PRKCA: variants seen among roughly 807,000 people sequenced by gnomAD.
PRKCA encodes the protein protein kinase C alpha type.
A neutral mutation model predicts 87.0 loss-of-function variants in PRKCA; 27 were observed. The ratio of observed to expected loss-of-function variants is 0.31; its 90% confidence interval spans 0.23 to 0.43. PRKCA has a LOEUF of 0.43. Among genes scored for constraint, PRKCA ranks in the 20% least tolerant of loss-of-function variants. The pLI, the probability that PRKCA is intolerant of heterozygous loss-of-function variation, is 1.00. For missense variants in PRKCA, 518 were observed against 852.3 expected (o/e 0.61, Z 4.88); for synonymous variants, 329 against 311.1 (o/e 1.06, Z -0.61).
intron 13 of PRKCA, among the ~76,000 whole-genome samples, chr17:66,759,081 G>A (rs563893314): frequency 6.6e-5 from 10 of 152,254 alleles, no homozygotes; most frequent in South Asian, 2.1e-4. Context: ...TGGGCTGGGC[G>A]TGGTGGCTCA....
chr17:66,658,199 G>A (rs1971790329), intron 5 of PRKCA, among the ~76,000 whole-genome samples: 1 of 152,124 alleles, frequency 6.6e-6, no homozygotes, highest in Non-Finnish European at 1.5e-5. Context: ...TCAGATCTCA[G>A]CCGGGCACAG....
intron 2 of PRKCA, among the ~76,000 whole-genome samples, chr17:66,382,691 C>T (rs527284281): frequency 4.6e-5 from 7 of 152,268 alleles, no homozygotes; most frequent in Admixed American, 4.6e-4. Flanking sequence ...TAGTGGTTCT[C>T]AATCAGGGAT....
intron 2 of PRKCA, among the ~76,000 whole-genome samples, chr17:66,362,332 T>C (rs952762316): frequency 6.6e-6 from 1 of 152,112 alleles, no homozygotes; most frequent in African/African-American, 2.4e-5. Context: ...GCCACCACCA[T>C]GCCCAGCTGG....
At chr17:66,382,019 A>G (rs949996641) in intron 2 of PRKCA, among the ~76,000 whole-genome samples, 2 of 152,210 alleles carry the variant, frequency 1.3e-5, no homozygotes, top group East Asian at 1.9e-4. Context: ...AGAGATGGTG[A>G]TGTCTTCCTC....
intron 3 of PRKCA, among the ~76,000 whole-genome samples, chr17:66,607,495 A>G (rs1970244015): frequency 6.6e-6 from 1 of 152,240 alleles, no homozygotes. Context: ...TAATTTTTAA[A>G]GTTATTGTTT....
At chr17:66,350,845 C>T (rs528128705) in intron 2 of PRKCA, among the ~76,000 whole-genome samples, 1 of 152,254 alleles carries the variant, frequency 6.6e-6, no homozygotes, top group Admixed American at 6.5e-5. Context: ...TTTTGACGGT[C>T]CCTAGCCTTC....
intron 2 of PRKCA, among the ~76,000 whole-genome samples, chr17:66,373,672 G>A (rs1909239479): frequency 6.6e-6 from 1 of 152,092 alleles, no homozygotes. Flanking sequence ...TTTTGGTATT[G>A]CTTTTGCCAT....
At chr17:66,574,507 C>T (rs1435475939) in intron 3 of PRKCA, among the ~76,000 whole-genome samples, 4 of 152,138 alleles carry the variant, frequency 2.6e-5, no homozygotes, top group South Asian at 2.1e-4. Context: ...CAGTTGTCAC[C>T]CCTTCTCTGC....
chr17:66,683,251 T>C (rs77487350), intron 5 of PRKCA, among the ~76,000 whole-genome samples: 7,447 of 152,316 alleles, frequency 0.049, 594 homozygotes, highest in African/African-American at 0.17. Flanking sequence ...ATGTGTTTCC[T>C]TTTTAAATGA....
intron 8 of PRKCA, among the ~76,000 whole-genome samples, chr17:66,715,385 T>A (rs941641579): frequency 2.0e-5 from 3 of 152,214 alleles, no homozygotes; most frequent in African/African-American, 4.8e-5. Context: ...GTAACTGTCG[T>A]TACTTCTCAC....
At chr17:66,571,804 A>C (rs1969086615) in intron 3 of PRKCA, among the ~76,000 whole-genome samples, 1 of 152,196 alleles carries the variant, frequency 6.6e-6, no homozygotes, top group Non-Finnish European at 1.5e-5. Flanking sequence ...AGGAGTGGAG[A>C]AGGTAGAAAA....
intron 3 of PRKCA, among the ~76,000 whole-genome samples, chr17:66,578,833 C>T (rs778787805): frequency 1.2e-4 from 18 of 152,188 alleles, no homozygotes; most frequent in Admixed American, 3.3e-4. Flanking sequence ...CAGCCGTCCT[C>T]GGGCCCCCTT....
intron 3 of PRKCA, among the ~76,000 whole-genome samples, chr17:66,529,247 A>G (rs1410613645): frequency 6.6e-6 from 1 of 152,226 alleles, no homozygotes; most frequent in African/African-American, 2.4e-5. Flanking sequence ...CATTATGGTA[A>G]TAGTGATTTT....
chr17:66,477,487 G>A (rs1915582947), intron 2 of PRKCA, among the ~76,000 whole-genome samples: 1 of 152,070 alleles, frequency 6.6e-6, no homozygotes. Flanking sequence ...ACCACCTGAA[G>A]TCAGGAGTTT....
chr17:66,752,865 C>G (rs1032355289), intron 13 of PRKCA, among the ~76,000 whole-genome samples: 3 of 152,178 alleles, frequency 2.0e-5, no homozygotes, highest in African/African-American at 7.2e-5. Flanking sequence ...AAGTCTATAC[C>G]TGGAACTGAA....
At chr17:66,685,156 C>T (rs902020344) in intron 5 of PRKCA, among the ~76,000 whole-genome samples, 1 of 152,078 alleles carries the variant, frequency 6.6e-6, no homozygotes, top group African/African-American at 2.4e-5. Flanking sequence ...AGCACTCACA[C>T]CATGGATTTA....
At chr17:66,533,139 T>TA (rs2143053902) in intron 3 of PRKCA, among the ~76,000 whole-genome samples, 1 of 152,324 alleles carries the variant, frequency 6.6e-6, no homozygotes, top group East Asian at 1.9e-4. Flanking sequence ...TTCCTACACT[T>TA]ATTCTCCTCT....
At chr17:66,574,717 A>G (rs55876259) in intron 3 of PRKCA, among the ~76,000 whole-genome samples, 1,519 of 144,876 alleles carry the variant, frequency 0.01, 29 homozygotes, top group African/African-American at 0.036. Flanking sequence ...CAGATATTCC[A>G]AAATCAAAAA....
rs191059380 is a variant in PRKCA, at chr17:66,522,438, G to C, written c.288+26155G>C. The stretch of plus-strand genomic sequence containing the variant: ...CAGGACCGAAAGGAGAGAATAGGCA[G>C]GGGGAAGAGGGGACAGTAATCGAAG... On this transcript the variant is annotated intron_variant, in intron 3 of 16. Transcript: ENST00000413366. Among the ~76,000 whole-genome samples the C allele has an allele frequency of 2.0e-4, 30 of 152,310 alleles. No individual in the cohort carries two copies. The South Asian group carries it at 2.9e-3, about 15-fold the overall frequency.
Sources: gnomAD v4.1 joint callset for allele counts (sites outside exome capture counted in the v4.1 genomes callset) on GRCh38, gnomAD v4.1.1 for gene constraint, MANE v1.5 for transcripts, NCBI Gene and HGNC (gene_info 2026-07-23, HGNC 2026-07-21) for gene names.